Variants in RDX observed in about 807,000 individuals in gnomAD.
RDX encodes the protein radixin.
A neutral mutation model predicts 83.7 loss-of-function variants in RDX; 32 were observed. That is an observed-to-expected ratio of 0.38 (90% CI 0.29 to 0.51). The LOEUF is 0.51. Ranked by LOEUF, RDX falls within the 20% of genes least tolerant of loss-of-function variation. The pLI is 0.87. For missense variants in RDX, 600 were observed against 689.9 expected (o/e 0.87, Z 1.46); for synonymous variants, 229 against 222.7 (o/e 1.03, Z -0.25).
chr11:110,274,166 A>T (rs1026790037), intron 2 of RDX, among the ~76,000 whole-genome samples: 4 of 152,202 alleles, frequency 2.6e-5, no homozygotes, highest in African/African-American at 9.6e-5. Flanking sequence ...TTAAGAAATG[A>T]TATATACAAA....
intron 14 of RDX, among the ~76,000 whole-genome samples, chr11:110,203,743 T>TAC (rs957194943): frequency 7.9e-5 from 12 of 152,058 alleles, no homozygotes; most frequent in Non-Finnish European, 1.2e-4. Context: ...AAAATTAAAG[T>TAC]ACACACACAC....
chr11:110,277,486 A>G (rs1860568359), intron 2 of RDX, among the ~76,000 whole-genome samples: 1 of 151,978 alleles, frequency 6.6e-6, no homozygotes, highest in African/African-American at 2.4e-5. Context: ...TGCCTGGCTA[A>G]TTTTTGTACT....
intron 14 of RDX, among the ~76,000 whole-genome samples, chr11:110,211,853 A>G (rs1364036156): frequency 2.0e-5 from 3 of 151,738 alleles, no homozygotes; most frequent in African/African-American, 7.3e-5. Flanking sequence ...AGGGAAATTT[A>G]TAGCACTAAA....
intron 14 of RDX, among the ~76,000 whole-genome samples, chr11:110,220,444 A>T (rs1384110440): frequency 6.6e-6 from 1 of 152,192 alleles, no homozygotes; most frequent in African/African-American, 2.4e-5. Flanking sequence ...CCAAGATTCA[A>T]ACCCGAGGTG....
chr11:110,200,063 G>A (rs1031402855), intron 14 of RDX, among the ~76,000 whole-genome samples: 3 of 152,136 alleles, frequency 2.0e-5, no homozygotes, highest in Non-Finnish European at 4.4e-5. Flanking sequence ...TCAGTAATGT[G>A]TTCTACCAGA....
chr11:110,229,482 A>G lies in RDX; in HGVS notation c.*2387T>C, dbSNP rs1864542327. 6.6e-6 allele frequency: 1 copy of G among 152,480 alleles called. No individual in the cohort carries two copies. Among genetic ancestry groups the G allele is most frequent in the African/African-American group, 2.4e-5 (1 of 41,454 alleles). The allele number at this position is 152,480 out of a possible 1,614,324, so 9.4% of individuals were successfully genotyped here. A position where few individuals can be genotyped will look rare whatever the true frequency, so the allele number is the denominator to read the frequency against. On this transcript the variant is annotated 3_prime_UTR_variant, in exon 14 of 14. Transcript: ENST00000645495. ...TTGTCACTTTATTGTTAACCAATGA[A>G]TATTATCCAAAATTAGAGATGTAAT...
At chr11:110,186,908 T>C (rs556141115) in intron 15 of RDX, among the ~76,000 whole-genome samples, 3 of 152,130 alleles carry the variant, frequency 2.0e-5, no homozygotes, top group South Asian at 4.1e-4. Context: ...AGGTTAGAGA[T>C]TGGAGCATTT....
At chr11:110,206,235 C>T (rs570446301) in intron 14 of RDX, among the ~76,000 whole-genome samples, 6 of 123,144 alleles carry the variant, frequency 4.9e-5, no homozygotes, top group East Asian at 2.5e-4. Context: ...CCAGCCTGGA[C>T]GACAGAGTGA....
chr11:110,245,594 TG>T (rs1355875052), intron 10 of RDX, among the ~76,000 whole-genome samples: 1 of 152,202 alleles, frequency 6.6e-6, no homozygotes, highest in Non-Finnish European at 1.5e-5. Flanking sequence ...TTTTTAAAAT[TG>T]TAAACAATAT....
intron 3 of RDX, among the ~76,000 whole-genome samples, chr11:110,267,515 A>AAAACAC (rs1555044882): frequency 3.0e-5 from 4 of 131,388 alleles, no homozygotes; most frequent in African/African-American, 5.8e-5. Context: ...TCCGTCTCAA[A>AAAACAC]ACACACACAC....
chr11:110,290,344 C>T (rs1026515548), intron 1 of RDX, among the ~76,000 whole-genome samples: 4 of 151,794 alleles, frequency 2.6e-5, no homozygotes, highest in Non-Finnish European at 4.4e-5. Flanking sequence ...GGTGAGACCC[C>T]GTGTCTACAA....
chr11:110,202,715 C>T (rs142699578), intron 14 of RDX, among the ~76,000 whole-genome samples: 108 of 151,142 alleles, frequency 7.1e-4, no homozygotes, highest in African/African-American at 2.5e-3. Context: ...TGAGCTGCTG[C>T]ACTCAGCCAA....
intron 1 of RDX, among the ~76,000 whole-genome samples, chr11:110,293,672 G>T (rs541137385): frequency 2.0e-5 from 3 of 152,240 alleles, no homozygotes; most frequent in African/African-American, 7.2e-5. Context: ...GTACCCCAGG[G>T]GTAGTATCAG....
chr11:110,204,550 C>T (rs1414903338), intron 14 of RDX, among the ~76,000 whole-genome samples: 2 of 103,732 alleles, frequency 1.9e-5, no homozygotes, highest in Non-Finnish European at 3.5e-5. Context: ...GAGTTTCACT[C>T]TTCTTGCCCA....
rs760305656 is a variant in RDX at position 110,247,768 on chromosome 11, C to T, written c.1025G>A (p.Arg342His). The T allele has an allele frequency of 1.6e-5, 26 of 1,608,940 alleles. No homozygotes were observed. Among genetic ancestry groups the T allele is most frequent in the Admixed American group, 1.0e-4 (6 of 59,466 alleles). Reference protein sequence around the residue: ...IAEKEKERIEREKEELMERLK... With the variant: ...IAEKEKERIEHEKEELMERLK... ...ACGTTCCATTAGCTCTTCCTTTTCA[C>T]GTTCTATTCTTTCCTTTTCCTTTTC... The change falls in exon 10 of 14, where the codon CGT becomes CAT. Residue 342 changes from arginine to histidine, a missense_variant. Physicochemically the swap from Arg to His is conservative, Grantham distance 29 (BLOSUM62 0). Coordinates refer to ENST00000645495, the MANE Select transcript of RDX (RefSeq NM_002906.4).
At position 110,273,074 on chromosome 11, in the gene RDX, T is replaced by C. The variant is rs763403779; in HGVS notation, c.13-455A>G. The C allele has an allele frequency of 3.1e-5, 14 of 455,962 alleles. No individual in the cohort carries two copies. In the East Asian group the frequency reaches 5.6e-4, roughly 18 times the overall value. The allele number at this position is 455,962 out of a possible 1,614,324, so 28.2% of individuals were successfully genotyped here. A position where few individuals can be genotyped will look rare whatever the true frequency, so the allele number is the denominator to read the frequency against. ...AGACTATGAAAAATTTAAAAATTAG[T>C]TGGGTGTGGTGGCATGTGCCTGTTA... On this transcript the variant is annotated intron_variant, in intron 2 of 13. Coordinates refer to ENST00000645495, the MANE Select transcript of RDX (RefSeq NM_002906.4).
chr11:110,180,122 G>A (rs371016750), intron 15 of RDX, among the ~76,000 whole-genome samples: 5 of 152,020 alleles, frequency 3.3e-5, no homozygotes, highest in African/African-American at 1.2e-4. Context: ...GGCTGGTCTC[G>A]AACTCCTGAC....
At chr11:110,282,296 T>C (rs773786054) in intron 1 of RDX, among the ~76,000 whole-genome samples, 1 of 152,144 alleles carries the variant, frequency 6.6e-6, no homozygotes, top group Non-Finnish European at 1.5e-5. Flanking sequence ...TCACTAAAGG[T>C]TTTATCCTAA....
chr11:110,251,879 G>GA (rs1364470399), intron 9 of RDX, among the ~76,000 whole-genome samples: 2 of 152,094 alleles, frequency 1.3e-5, no homozygotes, highest in Non-Finnish European at 2.9e-5. Context: ...GTATTGTAGG[G>GA]AAAGAGGTCT....
Sources: allele counts gnomAD v4.1 joint callset (sites outside exome capture counted in the v4.1 genomes callset), GRCh38; gene constraint gnomAD v4.1.1; transcripts MANE v1.5; gene names NCBI Gene and HGNC (gene_info 2026-07-23, HGNC 2026-07-21).